CDHR4: variants seen among roughly 807,000 people sequenced by gnomAD.
CDHR4 encodes cadherin related family member 4, also known as cadherin-related family member 4.
CDHR4 carries 89 observed loss-of-function variants against 88.4 expected under a neutral mutation model. The observed-to-expected ratio is 1.01, with a 90% CI of 0.85 to 1.20. CDHR4 has a LOEUF of 1.20. Among genes scored for constraint, CDHR4 ranks in the 50% most tolerant of loss-of-function variants. The pLI, the probability that CDHR4 is intolerant of heterozygous loss-of-function variation, is 0.00. For missense variants in CDHR4, 914 were observed against 1,007.2 expected, an observed-to-expected ratio of 0.91 and a Z score of 1.25; for synonymous variants, 368 against 399.2, an observed-to-expected ratio of 0.92 and a Z score of 0.93.
In CDHR4 at chr3:49,795,221, G is replaced by T; in HGVS notation, c.1006C>A (p.Pro336Thr). 6.4e-7 allele frequency: 1 copy of T among 1,551,680 alleles called. No homozygotes were observed. Residue 336 changes from proline to threonine, a missense_variant, in exon 8 of 19, where the codon CCA (proline) becomes ACA (threonine). By Grantham distance (38) the Pro-to-Thr change is conservative. Transcript: ENST00000412678. The surrounding 1 kb of genome is among the most constrained non-coding windows in gnomAD (Gnocchi z 5.4). ...ACCAGAAGCGCTGGGAGGCAGCGTG[G>T]AGGCCAGAGGTTGACCAGCTGCACA... ...MNVQLVNLWP[P>T]RCLPALLVSQ...
chr3:49,800,545 GT>G (rs2081346695), upstream of CDHR4, among the ~76,000 whole-genome samples: 2 of 151,746 alleles, frequency 1.3e-5, no homozygotes, highest in African/African-American at 4.8e-5. Flanking sequence ...GAAAAAAAAA[GT>G]TGTCTACATC....
upstream of CDHR4, among the ~76,000 whole-genome samples, chr3:49,802,036 C>T (rs982063686): frequency 2.0e-5 from 3 of 152,232 alleles, no homozygotes; most frequent in African/African-American, 7.2e-5. Flanking sequence ...ATCACAGACA[C>T]CTGGGCCTTC....
chr3:49,794,831 T>C, intron 9 of CDHR4, 116 bp downstream of exon 9: 1 of 1,446,394 alleles, frequency 6.9e-7, no homozygotes, highest in East Asian at 2.5e-5. Flanking sequence ...GCAACACAGG[T>C]TGGCTCGACA....
At position 49,792,982 on chromosome 3, in the gene CDHR4, A is replaced by G. The variant is rs2081204652; in HGVS notation, c.1867T>C (p.Tyr623His). 1 of 1,551,582 alleles carries G rather than the reference A, an allele frequency of 6.4e-7. No individual in the cohort carries two copies. Among genetic ancestry groups the G allele is most frequent in the South Asian group, 1.2e-5 (1 of 84,068 alleles). ...TCGGCCACACAGATCAGTAGCTCATAGGTACGGGGCTGCTCTGGCCAGAAC... is the reference window on the plus strand; with the variant it reads ...TCGGCCACACAGATCAGTAGCTCATGGGTACGGGGCTGCTCTGGCCAGAAC... ...GPFWPEQPRTYELLICVADAG... is the reference protein window; with the variant it reads ...GPFWPEQPRTHELLICVADAG... Residue 623 changes from tyrosine (Y) to histidine (H), a missense_variant, in exon 14 of 19, where the codon TAT (tyrosine) becomes CAT (histidine). Tyr to His is a moderately conservative substitution (Grantham distance 83). Coordinates refer to ENST00000412678, the MANE Select transcript of CDHR4 (RefSeq NM_001007540.4).
At chr3:49,800,882 C>CAAA (rs765360361), upstream of CDHR4, among the ~76,000 whole-genome samples, 16 of 54,924 alleles carry the variant, frequency 2.9e-4, no homozygotes, top group African/African-American at 8.0e-4. Context: ...CCTGTCTCTA[C>CAAA]AAAAAAAAAA....
chr3:49,794,677 T>C lies in CDHR4; in HGVS notation c.1210A>G (p.Thr404Ala). 6.4e-7 allele frequency: 1 copy of C among 1,550,630 alleles called. No individual in the cohort carries two copies. The highest frequency in any genetic ancestry group is 8.7e-7 in the Non-Finnish European group (1 of 1,146,666). ...LEVNATLDCDTPGACFQHAAS... is the reference protein window; with the variant it reads ...LEVNATLDCDAPGACFQHAAS... Reference sequence around the variant, plus strand: ...GCATGCTGGAAGCAGGCTCCAGGAGTGTCACAGTCCAGTGTGGCATTCACC... The same window carrying C: ...GCATGCTGGAAGCAGGCTCCAGGAGCGTCACAGTCCAGTGTGGCATTCACC... Residue 404 changes from threonine to alanine, a missense_variant, in exon 10 of 19, where the codon ACT becomes GCT. Physicochemically the swap from Thr to Ala is moderately conservative, Grantham distance 58. Transcript: ENST00000412678.
upstream of CDHR4, chr3:49,799,877 CTGTTG>C: frequency 6.3e-7 from 1 of 1,579,540 alleles, no homozygotes; most frequent in East Asian, 2.2e-5. Context: ...CTGACTCACC[CTGTTG>C]CCAGGTCAGT....
rs1188531213 is a variant in CDHR4 at position 49,793,577 on chromosome 3, A to T, written c.1623+6T>A. On this transcript the variant is annotated splice_donor_region_variant and intron_variant, in intron 12 of 18. Coordinates refer to ENST00000412678, the MANE Select transcript of CDHR4 (RefSeq NM_001007540.4). Reference sequence around the variant, plus strand: ...ATTTATTTCCAAAGCCTTAGGACGCAATTACCTCAACCTCGATGGTAATGG... The same window carrying T: ...ATTTATTTCCAAAGCCTTAGGACGCTATTACCTCAACCTCGATGGTAATGG... 6.4e-7 allele frequency: 1 copy of T among 1,551,694 alleles called. No homozygotes were observed. The highest frequency in any genetic ancestry group is 8.7e-7 in the Non-Finnish European group (1 of 1,146,970).
In CDHR4 at chr3:49,798,916, A is replaced by G. The variant is rs1559424132; in HGVS notation, c.405T>C (p.Ala135=). Residue 135 remains alanine, a splice_region_variant and synonymous_variant, in exon 4 of 19, where the codon GCT becomes GCC. Transcript: ENST00000412678. ...IQCAGQFASP[A]GEMIQVPETV... The stretch of plus-strand genomic sequence containing the variant: ...TCTCTGGCACCTGAATCATTTCCCC[A>G]GCTGGCCAGAGTGGAGGTCAGGGAG... The G allele has an allele frequency of 6.2e-7, 1 of 1,613,040 alleles. No homozygotes were observed. The highest frequency in any genetic ancestry group is 8.5e-7 in the Non-Finnish European group (1 of 1,179,552).
rs536250172 is a variant in CDHR4, at chr3:49,791,668, T to G, written c.2283+46A>C. 64 of 1,546,568 alleles carry G rather than the reference T, an allele frequency of 4.1e-5. No homozygotes were observed. The African/African-American group carries it at 8.3e-4, about 20-fold the overall frequency. Reference sequence around the variant, plus strand: ...GCTTGGAGGGGGCAGGGGAGTACTCTGAAGCACCCTTGGTGTCCACTACTT... The same window carrying G: ...GCTTGGAGGGGGCAGGGGAGTACTCGGAAGCACCCTTGGTGTCCACTACTT... On this transcript the variant is annotated intron_variant, in intron 17 of 18. Transcript: ENST00000412678.
At chr3:49,793,117 G>T in intron 13 of CDHR4, 43 bp from the exon 14 acceptor site, 1 of 1,550,844 alleles carries the variant, frequency 6.4e-7, no homozygotes, top group Non-Finnish European at 8.7e-7. Context: ...TGCTGGCCTT[G>T]GCCTGCCCCT....
chr3:49,794,479 G>A, intron 10 of CDHR4, 129 bp downstream of exon 10: 1 of 698,434 alleles, frequency 1.4e-6, no homozygotes, highest in South Asian at 1.9e-5. Flanking sequence ...TATATCTTCA[G>A]GGTCTGAAAT....
chr3:49,796,231 C>T (rs1270147544), intron 5 of CDHR4, among the ~76,000 whole-genome samples, 185 bp from the exon 6 acceptor site: 1 of 152,232 alleles, frequency 6.6e-6, no homozygotes, highest in Non-Finnish European at 1.5e-5. Context: ...AGCCCCATAC[C>T]TTTGGGCCAT....
intron 5 of CDHR4, 43 bp from the exon 6 acceptor site, chr3:49,796,089 T>C: frequency 7.1e-7 from 1 of 1,406,216 alleles, no homozygotes. Flanking sequence ...ATTGTGTGTG[T>C]CCACCTCTTT....
In CDHR4 at chr3:49,793,860, T is replaced by C. The variant is rs990984843; in HGVS notation, c.1426A>G (p.Asn476Asp). The C allele has an allele frequency of 1.3e-5, 20 of 1,551,608 alleles. No homozygotes were observed. In the African/African-American group the frequency reaches 2.7e-4, roughly 21 times the overall value. ...CCACCAGAGGTGTAGTACTCAATGT[T>C]GTCATGAGGGTAATCCATATCCGTG... is the stretch of plus-strand genomic sequence containing the variant. ...VGTDMDYPHDNIEYYTSGGPT... is the reference protein window; with the variant it reads ...VGTDMDYPHDDIEYYTSGGPT... The change falls in exon 11 of 19, where the codon AAC (asparagine) becomes GAC (aspartate). Residue 476 changes from asparagine (N) to aspartate (D), a missense_variant. Physicochemically the swap from Asn to Asp is conservative, Grantham distance 23. Transcript: ENST00000412678.
chr3:49,801,245 T>C (rs1216081799), upstream of CDHR4, among the ~76,000 whole-genome samples: 1 of 152,204 alleles, frequency 6.6e-6, no homozygotes, highest in African/African-American at 2.4e-5. Flanking sequence ...CATTCAATGC[T>C]TGCTCCCCTT....
chr3:49,798,812 T>A lies in CDHR4; in HGVS notation c.495+14A>T. 1 of 1,609,744 alleles carries A rather than the reference T, an allele frequency of 6.2e-7. No individual in the cohort carries two copies. ...CCCCATCCTGTCACCCACCGTCCCA[T>A]GTTCTGGGCTTACCTGCGCTCCGTG... On this transcript the variant is annotated intron_variant, in intron 4 of 18. Transcript: ENST00000412678.
chr3:49,794,071 G>A (rs1414860552), intron 10 of CDHR4, 65 bp from the exon 11 acceptor site: 1 of 1,478,876 alleles, frequency 6.8e-7, no homozygotes. Context: ...GGGGTCTGAG[G>A]AGGGAGACAG....
chr3:49,798,816 C>G lies in CDHR4; in HGVS notation c.495+10G>C. 2 of 1,613,002 alleles carry G rather than the reference C, an allele frequency of 1.2e-6. No homozygotes were observed. Among genetic ancestry groups the G allele is most frequent in the South Asian group, 1.1e-5 (1 of 91,000 alleles). The stretch of plus-strand genomic sequence containing the variant: ...ATCCTGTCACCCACCGTCCCATGTT[C>G]TGGGCTTACCTGCGCTCCGTGGAGT... On this transcript the variant is annotated intron_variant, in intron 4 of 18. Coordinates refer to ENST00000412678, the MANE Select transcript of CDHR4 (RefSeq NM_001007540.4).
Sources: allele counts gnomAD v4.1 joint callset (sites outside exome capture counted in the v4.1 genomes callset), GRCh38; gene constraint gnomAD v4.1.1; non-coding constraint Gnocchi (gnomAD v3.1); transcripts MANE v1.5; gene names NCBI Gene and HGNC (gene_info 2026-07-23, HGNC 2026-07-21).